WRN: variants seen among roughly 807,000 people sequenced by gnomAD.
The protein encoded by WRN is WRN RecQ like helicase, also known as bifunctional 3'-5' exonuclease/ATP-dependent helicase WRN.
A neutral mutation model predicts 180.7 loss-of-function variants in WRN; 149 were observed. The observed-to-expected ratio is 0.82, with a 90% CI of 0.72 to 0.94. The LOEUF is 0.94. Among genes scored for constraint, WRN ranks in the 40% least tolerant of loss-of-function variants. The pLI, the probability that WRN is intolerant of heterozygous loss-of-function variation, is 0.00. For missense variants in WRN, 1,661 were observed against 1,700.1 expected, an observed-to-expected ratio of 0.98 and a Z score of 0.40; for synonymous variants, 548 against 568.9, an observed-to-expected ratio of 0.96 and a Z score of 0.52.
intron 27 of WRN, 84 bp downstream of exon 27, chr8:31,142,785 C>T: frequency 7.9e-7 from 1 of 1,264,368 alleles, no homozygotes; most frequent in Non-Finnish European, 1.1e-6. Flanking sequence ...TAATTCCTTT[C>T]CAATTAAAGA....
At chr8:31,115,959 G>A (rs1801501386) in intron 19 of WRN, among the ~76,000 whole-genome samples, 1 of 152,200 alleles carries the variant, frequency 6.6e-6, no homozygotes, top group African/African-American at 2.4e-5. Flanking sequence ...TAAGAACAGT[G>A]TAACAAGTTT....
chr8:31,077,576 G>A (rs1376940123), intron 8 of WRN, among the ~76,000 whole-genome samples: 1 of 152,140 alleles, frequency 6.6e-6, no homozygotes, highest in Admixed American at 6.6e-5. Context: ...AAGGATACTA[G>A]TAAAGCCATT....
At chr8:31,158,984 A>C (rs112467667) in intron 33 of WRN, among the ~76,000 whole-genome samples, 1,919 of 152,144 alleles carry the variant, frequency 0.013, 42 homozygotes, top group African/African-American at 0.044. Flanking sequence ...GCAGGAGCTA[A>C]AGTTGGTGCA....
At chr8:31,086,695 G>A (rs940634755) in intron 11 of WRN, among the ~76,000 whole-genome samples, 2 of 152,164 alleles carry the variant, frequency 1.3e-5, no homozygotes, top group Middle Eastern at 3.4e-3. Flanking sequence ...TTTGATACTC[G>A]GTTAACAGTT....
chr8:31,141,878 A>AT, intron 26 of WRN, 103 bp downstream of exon 26: 2 of 1,122,444 alleles, frequency 1.8e-6, no homozygotes, highest in Non-Finnish European at 2.6e-6. Flanking sequence ...AAAATGAATT[A>AT]CCTGTTTGTT....
chr8:31,167,694 C>T (rs376000072), intron 34 of WRN, among the ~76,000 whole-genome samples: 6 of 151,950 alleles, frequency 3.9e-5, no homozygotes, highest in African/African-American at 1.2e-4. Flanking sequence ...CTGAGCATTT[C>T]GTAGTGCTTT....
At chr8:31,104,809 T>C (rs1801030340) in intron 18 of WRN, among the ~76,000 whole-genome samples, 1 of 152,190 alleles carries the variant, frequency 6.6e-6, no homozygotes, top group Admixed American at 6.5e-5. Flanking sequence ...GTGGGTGTAT[T>C]TGTGTGGGTC....
intron 16 of WRN, among the ~76,000 whole-genome samples, chr8:31,092,639 G>A (rs1209172914): frequency 1.3e-5 from 2 of 151,260 alleles, no homozygotes; most frequent in African/African-American, 4.9e-5. Flanking sequence ...ACATACACAC[G>A]AGATACACAT....
At chr8:31,069,173 A>G (rs1812817846) in intron 7 of WRN, among the ~76,000 whole-genome samples, 1 of 152,266 alleles carries the variant, frequency 6.6e-6, no homozygotes, top group South Asian at 2.1e-4. Flanking sequence ...GATGTTAATT[A>G]AATTAGGCCA....
intron 24 of WRN, among the ~76,000 whole-genome samples, chr8:31,133,003 A>G (rs1194915016): frequency 6.6e-6 from 1 of 152,226 alleles, no homozygotes; most frequent in East Asian, 1.9e-4. Context: ...TAAAGTTATA[A>G]GAAAATTGTG....
chr8:31,091,906 A>AT lies in WRN; in HGVS notation c.1898+15dup. 1 of 1,612,368 alleles carries AT rather than the reference A, an allele frequency of 6.2e-7. No individual in the cohort carries two copies. The highest frequency in any genetic ancestry group is 8.5e-7 in the Non-Finnish European group (1 of 1,178,942). ...TCTAACAGATATTAAATTGTGAGTA[A>AT]TTTTTTTCCCTCAACTTTTATTTTG... is the stretch of plus-strand genomic sequence containing the variant. On this transcript the variant is annotated intron_variant, in intron 16 of 34. Transcript: ENST00000298139.
chr8:31,094,416 G>T (rs2130191487), intron 16 of WRN, among the ~76,000 whole-genome samples: 1 of 151,000 alleles, frequency 6.6e-6, no homozygotes, highest in Non-Finnish European at 1.5e-5. Context: ...CATGATCTTG[G>T]TTCACTGCAT....
intron 26 of WRN, 27 bp downstream of exon 26, chr8:31,141,802 ACTTCTGC>A (rs778018940): frequency 2.5e-6 from 4 of 1,598,912 alleles, no homozygotes; most frequent in Non-Finnish European, 3.4e-6. Context: ...TTTTCTTGTA[ACTTCTGC>A]ATTTTTTGTT....
At chr8:31,092,331 A>G (rs756907581) in intron 16 of WRN, among the ~76,000 whole-genome samples, 28 of 151,906 alleles carry the variant, frequency 1.8e-4, no homozygotes, top group Non-Finnish European at 3.2e-4. Flanking sequence ...AAATCACACA[A>G]TGACTGGCTG....
In WRN at chr8:31,076,305, T is replaced by G. The variant is rs1813092596; in HGVS notation, c.839+18T>G. The G allele has an allele frequency of 6.3e-7, 1 of 1,578,990 alleles. No homozygotes were observed. Among genetic ancestry groups the G allele is most frequent in the East Asian group, 2.2e-5 (1 of 44,462 alleles). The stretch of plus-strand genomic sequence containing the variant: ...CCACGGAGGTTAAATATTACCTTTT[T>G]TTTTTTTAACTTAAATCAATTCTGT... On this transcript the variant is annotated intron_variant, in intron 8 of 34. Transcript: ENST00000298139.
intron 28 of WRN, 51 bp from the exon 29 acceptor site, chr8:31,147,002 A>C (rs2130438046): frequency 6.8e-7 from 1 of 1,466,640 alleles, no homozygotes; most frequent in East Asian, 2.5e-5. Flanking sequence ...ATAGAAAGTC[A>C]ATGAGGAGAA....
chr8:31,107,177 TGTTA>T (rs550922523), intron 18 of WRN, among the ~76,000 whole-genome samples: 119 of 152,220 alleles, frequency 7.8e-4, no homozygotes, highest in African/African-American at 2.8e-3. Flanking sequence ...AGATGAACAG[TGTTA>T]GTAGTACATG....
rs11299484 is a variant in WRN, at chr8:31,128,975, A to AT, written c.2826-3381dup. ...GTAGGCCAAATCTGCATGCTGTTTT[A>AT]TTTTTTTTTATTTTTTTGACATAGG... On this transcript the variant is annotated intron_variant, in intron 23 of 34. Transcript: ENST00000298139. Among the ~76,000 whole-genome samples the AT allele has an allele frequency of 2.5e-4, 38 of 151,988 alleles. No homozygotes were observed. In the South Asian group the frequency reaches 7.1e-3, roughly 28 times the overall value.
intron 32 of WRN, among the ~76,000 whole-genome samples, chr8:31,155,861 C>A (rs1803366364): frequency 6.6e-6 from 1 of 152,210 alleles, no homozygotes; most frequent in East Asian, 1.9e-4. Context: ...TCCACTAGTG[C>A]CTGTGTTACA....
Sources: allele counts gnomAD v4.1 joint callset (sites outside exome capture counted in the v4.1 genomes callset), GRCh38; gene constraint gnomAD v4.1.1; transcripts MANE v1.5; gene names NCBI Gene and HGNC (gene_info 2026-07-23, HGNC 2026-07-21).